Variants in WWOX observed in about 807,000 individuals in gnomAD.
The protein encoded by WWOX is WW domain containing oxidoreductase.
A neutral mutation model predicts 46.2 loss-of-function variants in WWOX; 69 were observed. The ratio of observed to expected loss-of-function variants is 1.49; its 90% CI spans 1.23 to 1.82. WWOX has a LOEUF of 1.82. Among genes scored for constraint, WWOX ranks in the 40% most tolerant of loss-of-function variants. The pLI is 0.00. For synonymous variants in WWOX, 359 were observed against 202.6 expected, an observed-to-expected ratio of 1.77 and a Z score of -6.56; for missense variants, 919 against 542.6, an observed-to-expected ratio of 1.69 and a Z score of -6.89.
chr16:78,152,076 G>T (rs940832031), intron 4 of WWOX, among the ~76,000 whole-genome samples: 14 of 152,070 alleles, frequency 9.2e-5, no homozygotes, highest in African/African-American at 3.4e-4. Flanking sequence ...TGTAGTCCCA[G>T]CTACTCGGGA....
intron 8 of WWOX, among the ~76,000 whole-genome samples, chr16:79,081,188 A>C (rs1032925314): frequency 6.6e-6 from 1 of 152,116 alleles, no homozygotes; most frequent in Non-Finnish European, 1.5e-5. Flanking sequence ...TCTTGAGACA[A>C]AGTCTTGATC....
intron 8 of WWOX, among the ~76,000 whole-genome samples, chr16:79,003,031 C>T (rs941723543): frequency 6.6e-6 from 1 of 152,168 alleles, no homozygotes; most frequent in Non-Finnish European, 1.5e-5. Flanking sequence ...GCATGCCAGC[C>T]ACAGGGCCTC....
chr16:79,087,752 C>T (rs1017103986), intron 8 of WWOX, among the ~76,000 whole-genome samples: 3 of 152,192 alleles, frequency 2.0e-5, no homozygotes, highest in Non-Finnish European at 2.9e-5. Context: ...GGAATTTGGC[C>T]ATTTCTCTGC....
chr16:78,361,727 T>C (rs539120160), intron 5 of WWOX, among the ~76,000 whole-genome samples: 5 of 152,250 alleles, frequency 3.3e-5, no homozygotes, highest in Non-Finnish European at 7.4e-5. Flanking sequence ...TTCTCCCGTC[T>C]CAGCCTCCCA....
chr16:78,639,309 C>T (rs1464115297), intron 8 of WWOX, among the ~76,000 whole-genome samples: 1 of 152,174 alleles, frequency 6.6e-6, no homozygotes, highest in Non-Finnish European at 1.5e-5. Context: ...CTGGGTCAGT[C>T]CTTACAAGGA....
chr16:78,400,914 C>CCAGG (rs2082397608), intron 6 of WWOX, among the ~76,000 whole-genome samples: 1 of 152,342 alleles, frequency 6.6e-6, no homozygotes, highest in Middle Eastern at 3.4e-3. Context: ...GCCTCAGCCA[C>CCAGG]CAGGGTTCAA....
chr16:78,724,933 C>T lies in WWOX; in HGVS notation c.1056+292181C>T, dbSNP rs183153850. On this transcript the variant is annotated intron_variant, in intron 8 of 8. Coordinates refer to ENST00000566780, the MANE Select transcript of WWOX (RefSeq NM_016373.4). ...GAGCACCTAGTAGTGATTCCAGGTA[C>T]GTAGCAGGTATTTTACAGGTGCTTG... is the stretch of plus-strand genomic sequence containing the variant. 3.8e-3 allele frequency among the ~76,000 whole-genome samples: 576 copies of T among 152,214 alleles called. 2 individuals carry two copies. Among genetic ancestry groups the T allele is most frequent in the African/African-American group, 0.013 (553 of 41,518 alleles).
intron 8 of WWOX, among the ~76,000 whole-genome samples, chr16:79,172,682 G>A (rs545095687): frequency 6.6e-6 from 1 of 152,198 alleles, no homozygotes; most frequent in South Asian, 2.1e-4. Context: ...GTGTGCACGC[G>A]CACGTATGTG....
intron 5 of WWOX, among the ~76,000 whole-genome samples, chr16:78,279,359 T>C (rs1334772415): frequency 3.9e-5 from 6 of 152,198 alleles, no homozygotes; most frequent in African/African-American, 1.4e-4. Context: ...TAATCACATT[T>C]TATATGATTG....
intron 8 of WWOX, among the ~76,000 whole-genome samples, chr16:78,781,351 A>G (rs996045854): frequency 1.3e-5 from 2 of 152,108 alleles, no homozygotes; most frequent in African/African-American, 4.8e-5. Flanking sequence ...GATCTCAGAA[A>G]TCTGCACCCC....
chr16:78,577,082 T>C (rs1168376927), intron 8 of WWOX, among the ~76,000 whole-genome samples: 1 of 152,162 alleles, frequency 6.6e-6, no homozygotes, highest in Non-Finnish European at 1.5e-5. Flanking sequence ...GAAAGTTGAG[T>C]CATGAATTGG....
intron 1 of WWOX, among the ~76,000 whole-genome samples, chr16:78,103,016 C>T (rs1034250913): frequency 2.6e-5 from 4 of 152,302 alleles, no homozygotes; most frequent in Admixed American, 2.0e-4. Flanking sequence ...GGTGCTTCTG[C>T]TTCCCTGCAG....
intron 8 of WWOX, among the ~76,000 whole-genome samples, chr16:78,884,446 T>A (rs981377793): frequency 6.6e-6 from 1 of 152,104 alleles, no homozygotes; most frequent in South Asian, 2.1e-4. Context: ...CACCCAGATA[T>A]CTATCAGTGG....
chr16:78,802,314 A>G (rs1015655555), intron 8 of WWOX, among the ~76,000 whole-genome samples: 48 of 145,148 alleles, frequency 3.3e-4, no homozygotes, highest in African/African-American at 1.1e-3. Context: ...CAGCAATGCT[A>G]TAGGACACAG....
At chr16:78,498,023 A>T (rs1395731189) in intron 8 of WWOX, among the ~76,000 whole-genome samples, 2 of 151,940 alleles carry the variant, frequency 1.3e-5, no homozygotes, top group Non-Finnish European at 2.9e-5. Flanking sequence ...TAACATGGTG[A>T]AATGCTGTCT....
At chr16:78,771,915 CAATAAAAACCATTTTT>C (rs2050074385) in intron 8 of WWOX, among the ~76,000 whole-genome samples, 3 of 152,152 alleles carry the variant, frequency 2.0e-5, no homozygotes, top group Admixed American at 6.5e-5. Flanking sequence ...CATTGTACTA[CAATAAAAACCATTTTT>C]TTGAAAAGAA....
In WWOX at chr16:78,768,325, C is replaced by G. The variant is rs553684936; in HGVS notation, c.1056+335573C>G. 2.1e-5 allele frequency among the ~76,000 whole-genome samples: 3 copies of G among 140,922 alleles called. No individual in the cohort carries two copies. In the South Asian group the frequency reaches 7.0e-4, roughly 33 times the overall value. 92.5% of individuals were successfully genotyped at this position (140,922 alleles called of 152,430 possible). ...AGTTGCCTGGCTTGGTGCAGTGGCT[C>G]ATGCATGTACTCCCAGCACTTTGGG... On this transcript the variant is annotated intron_variant, in intron 8 of 8. Coordinates refer to ENST00000566780, the MANE Select transcript of WWOX (RefSeq NM_016373.4).
At chr16:79,010,068 C>G (rs1344062827) in intron 8 of WWOX, among the ~76,000 whole-genome samples, 1 of 152,184 alleles carries the variant, frequency 6.6e-6, no homozygotes, top group Non-Finnish European at 1.5e-5. Flanking sequence ...CTTGCAAAGG[C>G]CTTGGCCAGC....
intron 8 of WWOX, among the ~76,000 whole-genome samples, chr16:78,657,758 G>A (rs1243078947): frequency 6.6e-6 from 1 of 151,944 alleles, no homozygotes; most frequent in Non-Finnish European, 1.5e-5. Context: ...CCCTCTCTTG[G>A]GCCAAGCTTG....
Sources: allele counts gnomAD v4.1 joint callset (sites outside exome capture counted in the v4.1 genomes callset), GRCh38; gene constraint gnomAD v4.1.1; transcripts MANE v1.5; gene names NCBI Gene and HGNC (gene_info 2026-07-23, HGNC 2026-07-21).